The following ZNF100 variants were observed in gnomAD, a reference collection of about 807,000 sequenced individuals.
The protein encoded by ZNF100 is zinc finger protein 100 (Y1).
A neutral mutation model predicts 15.8 loss-of-function variants in ZNF100; 12 were observed. The observed-to-expected ratio is 0.76, with a 90% CI of 0.49 to 1.23. The LOEUF is 1.23. ZNF100 is among the 50% of genes most tolerant of loss of function. ZNF100 has a pLI of 0.00. For synonymous variants in ZNF100, 226 were observed against 214.8 expected (o/e 1.05, Z -0.45); for missense variants, 670 against 635.6 (o/e 1.05, Z -0.58).
At chr19:21,747,516 T>C (rs2036231861) in intron 2 of ZNF100, among the ~76,000 whole-genome samples, 1 of 152,174 alleles carries the variant, frequency 6.6e-6, no homozygotes, top group Non-Finnish European at 1.5e-5. Context: ...GGTTCATGAA[T>C]GGGTGTTTCA....
At chr19:21,731,414 T>C (rs1384475015) in intron 4 of ZNF100, among the ~76,000 whole-genome samples, 1 of 151,976 alleles carries the variant, frequency 6.6e-6, no homozygotes, top group Non-Finnish European at 1.5e-5. Context: ...GTTCAAGTGA[T>C]TCTCCTGCCT....
Position 21,761,025 on chromosome 19 carries a change from T to C in ZNF100, c.96+4669A>G, listed in dbSNP as rs373866690. On this transcript the variant is annotated intron_variant, in intron 2 of 4. Transcript: ENST00000358296. ...TGCCCGCTTCAGCCTCCCAAAGTGC[T>C]GGCATTACAGGGGTGAGCAACCGTG... 1.1e-3 allele frequency among the ~76,000 whole-genome samples: 162 copies of C among 152,214 alleles called. 1 individual carries two copies. Among genetic ancestry groups the C allele is most frequent in the African/African-American group, 3.7e-3 (154 of 41,534 alleles).
At chr19:21,747,592 C>G (rs1215569408) in intron 2 of ZNF100, among the ~76,000 whole-genome samples, 1 of 152,212 alleles carries the variant, frequency 6.6e-6, no homozygotes, top group African/African-American at 2.4e-5. Context: ...TGAGAGAAAG[C>G]AGGCACCGCA....
intron 2 of ZNF100, among the ~76,000 whole-genome samples, chr19:21,749,782 A>T (rs1441101008): frequency 1.3e-5 from 2 of 152,052 alleles, no homozygotes; most frequent in Admixed American, 6.5e-5. Context: ...GAAGAGCCAC[A>T]CTCTCAAATG....
intron 2 of ZNF100, among the ~76,000 whole-genome samples, chr19:21,764,805 T>C (rs12463030): frequency 0.041 from 6,275 of 152,112 alleles, 229 homozygotes; most frequent in South Asian, 0.15. Flanking sequence ...CAAAAATCAA[T>C]GTAACAGGAT....
At chr19:21,764,369 C>T (rs8107583) in intron 2 of ZNF100, among the ~76,000 whole-genome samples, 12,464 of 152,104 alleles carry the variant, frequency 0.082, 629 homozygotes, top group South Asian at 0.17. Flanking sequence ...TCAGGCCGGG[C>T]ATGGTGGCTC....
Position 21,726,866 on chromosome 19 carries a change from C to G in ZNF100, c.1446G>C (p.Glu482Asp), listed in dbSNP as rs2035799443. The G allele has an allele frequency of 6.2e-7, 1 of 1,613,238 alleles. No homozygotes were observed. Among genetic ancestry groups the G allele is most frequent in the Admixed American group, 1.7e-5 (1 of 59,918 alleles). The change falls in exon 5 of 5, where the codon GAG becomes GAC. Residue 482 changes from glutamate (E) to aspartate (D), a missense_variant. Coordinates refer to ENST00000358296, the MANE Select transcript of ZNF100 (RefSeq NM_173531.4). ...CACATTCCTCACATTTGTAGGGTTT[C>G]TCTCCAGTATGAATCATCTTATGTG... ...LTAHKMIHTG[E>D]KPYKCEECGK...
In ZNF100 at chr19:21,743,608, T is replaced by C. The variant is rs1239986300; in HGVS notation, c.322+409A>G. On this transcript the variant is annotated intron_variant, in intron 4 of 4. Coordinates refer to ENST00000358296, the MANE Select transcript of ZNF100 (RefSeq NM_173531.4). ...AACAACGGAACAGAAAACACTACTT[T>C]CACACATTTCAGACATGATGAAAAA... Among the ~76,000 whole-genome samples, 7 of 151,986 alleles carry C rather than the reference T, an allele frequency of 4.6e-5. No individual in the cohort carries two copies. In the East Asian group the frequency reaches 9.6e-4, roughly 21 times the overall value.
intron 3 of ZNF100, among the ~76,000 whole-genome samples, chr19:21,744,442 G>A (rs769303677): frequency 1.3e-5 from 2 of 151,946 alleles, no homozygotes; most frequent in Admixed American, 6.6e-5. Context: ...GCATGATCTC[G>A]GCTCACTACA....
rs765371572 is a variant in ZNF100 at position 21,743,997 on chromosome 19, T to C, written c.322+20A>G. On this transcript the variant is annotated intron_variant, in intron 4 of 4. Coordinates refer to ENST00000358296, the MANE Select transcript of ZNF100 (RefSeq NM_173531.4). ...TTGGACCTCACATCTGTGTCATCTG[T>C]TGTGTTCACTCTCACCTACCTGGGG... is the stretch of plus-strand genomic sequence containing the variant. 5.0e-6 allele frequency: 8 copies of C among 1,593,412 alleles called. No homozygotes were observed. In the Admixed American group the frequency reaches 1.2e-4, roughly 24 times the overall value.
chr19:21,739,947 A>G (rs1313376905), intron 4 of ZNF100, among the ~76,000 whole-genome samples: 1 of 152,004 alleles, frequency 6.6e-6, no homozygotes, highest in Non-Finnish European at 1.5e-5. Flanking sequence ...ATTCAGTACA[A>G]TCTCTATAAA....
At position 21,735,979 on chromosome 19, in the gene ZNF100, G is replaced by A. The variant is rs187225713; in HGVS notation, c.323-7990C>T. On this transcript the variant is annotated intron_variant, in intron 4 of 4. Coordinates refer to ENST00000358296, the MANE Select transcript of ZNF100 (RefSeq NM_173531.4). ...AGTATTTTGTATTTTTAGTAGAGAC[G>A]GGGTTTCACCTTGTTAGCCAGGATG... is the stretch of plus-strand genomic sequence containing the variant. Among the ~76,000 whole-genome samples the A allele has an allele frequency of 3.2e-3, 488 of 152,116 alleles. 2 individuals are homozygous for A. Among genetic ancestry groups the A allele is most frequent in the South Asian group, 0.024 (117 of 4,800 alleles).
At chr19:21,744,866 T>C in intron 3 of ZNF100, 75 bp downstream of exon 3, 1 of 1,576,018 alleles carries the variant, frequency 6.3e-7, no homozygotes, top group Non-Finnish European at 8.6e-7. Flanking sequence ...AAAGCATGAA[T>C]TACCAAAAAT....
chr19:21,758,968 A>G (rs1001599096), intron 2 of ZNF100, among the ~76,000 whole-genome samples: 2 of 152,166 alleles, frequency 1.3e-5, no homozygotes, highest in African/African-American at 4.8e-5. Flanking sequence ...TCTTTCTTCT[A>G]CCACCAAAAC....
chr19:21,731,655 A>G (rs896708761), intron 4 of ZNF100, among the ~76,000 whole-genome samples: 10 of 152,184 alleles, frequency 6.6e-5, no homozygotes, highest in African/African-American at 2.4e-4. Context: ...TTTGCAATAT[A>G]AAAATACTGG....
intron 4 of ZNF100, among the ~76,000 whole-genome samples, chr19:21,737,063 T>C (rs531634478): frequency 6.8e-5 from 10 of 146,572 alleles, no homozygotes; most frequent in South Asian, 6.6e-4. Flanking sequence ...CCATAGGAGA[T>C]AGAGACACAA....
Position 21,727,133 on chromosome 19 carries a change from T to C in ZNF100, c.1179A>G (p.Thr393=). The stretch of plus-strand genomic sequence containing the variant: ...TGTAGAATTTCTCTCCAGTATGACT[T>C]GTCTTATGTTTAGTAAGGTATGAGA... The part of the protein sequence containing the change: ...YRFSYLTKHK[T]SHTGEKFYKC... Residue 393 remains threonine (T), a synonymous_variant, in exon 5 of 5, where the codon ACA becomes ACG. Coordinates refer to ENST00000358296, the MANE Select transcript of ZNF100 (RefSeq NM_173531.4). 1 of 1,611,344 alleles carries C rather than the reference T, an allele frequency of 6.2e-7. No individual in the cohort carries two copies. The highest frequency in any genetic ancestry group is 8.5e-7 in the Non-Finnish European group (1 of 1,177,956).
At chr19:21,742,772 T>C (rs185440944) in intron 4 of ZNF100, among the ~76,000 whole-genome samples, 10 of 152,198 alleles carry the variant, frequency 6.6e-5, no homozygotes, top group African/African-American at 2.4e-4. Flanking sequence ...ATACACTCAG[T>C]AAATTAGCAA....
intron 2 of ZNF100, among the ~76,000 whole-genome samples, chr19:21,746,475 T>C (rs2145721421): frequency 6.6e-6 from 1 of 152,178 alleles, no homozygotes; most frequent in Non-Finnish European, 1.5e-5. Context: ...CAACATTACA[T>C]ATTCTCCACG....
Sources: gnomAD v4.1 joint callset for allele counts (sites outside exome capture counted in the v4.1 genomes callset) on GRCh38, gnomAD v4.1.1 for gene constraint, MANE v1.5 for transcripts, NCBI Gene and HGNC (gene_info 2026-07-23, HGNC 2026-07-21) for gene names.